Variants in UBE3B observed in about 807,000 individuals in gnomAD.
The protein encoded by UBE3B is ubiquitin-protein ligase E3B.
A neutral mutation model predicts 132.3 loss-of-function variants in UBE3B; 80 were observed. The observed-to-expected ratio is 0.60, with a 90% confidence interval of 0.50 to 0.73. The LOEUF is 0.73. Among genes scored for constraint, UBE3B ranks in the 30% least tolerant of loss-of-function variants. The pLI, the probability that UBE3B is intolerant of heterozygous loss-of-function variation, is 0.00. For missense variants in UBE3B, 1,196 were observed against 1,362.5 expected (o/e 0.88, Z 1.92); for synonymous variants, 487 against 520.4 (o/e 0.94, Z 0.87).
rs546789045 is a variant in UBE3B at position 109,505,525 on chromosome 12, A to G, written c.1451-2039A>G. On this transcript the variant is annotated intron_variant, in intron 14 of 27. Coordinates refer to ENST00000342494, the MANE Select transcript of UBE3B (RefSeq NM_130466.4). ...AGTGTTAACTGTTTCCTCTGTTTCT[A>G]TTTTAACCTATTTTTGAATTGTGAG... 2.0e-5 allele frequency among the ~76,000 whole-genome samples: 3 copies of G among 152,302 alleles called. No individual in the cohort carries two copies. The East Asian group carries it at 5.8e-4, about 29-fold the overall frequency.
chr12:109,544,047 G>A, the UBE3B span, among the ~76,000 whole-genome samples: 1 of 152,136 alleles, frequency 6.6e-6, no homozygotes, highest in Non-Finnish European at 1.5e-5. Context: ...AGACTGCAGG[G>A]TGTGTTTGGG....
Position 109,524,448 on chromosome 12 carries a change from G to A in UBE3B, c.2513G>A (p.Gly838Glu), listed in dbSNP as rs889466402. 4 of 1,614,168 alleles carry A rather than the reference G, an allele frequency of 2.5e-6. No individual in the cohort carries two copies. Among genetic ancestry groups the A allele is most frequent in the Non-Finnish European group, 3.4e-6 (4 of 1,180,030 alleles). ...TCTCTGTTACATTAGCGCTATGATG[G>A]GGACATCACTGACCTGGGCCTGACG... ...KNLTSIKRYD[G>E]DITDLGLTLS... The change falls in exon 23 of 28, where the codon GGG becomes GAG. Residue 838 changes from glycine to glutamate, a missense_variant. Gly to Glu is a moderately conservative substitution (Grantham distance 98). Transcript: ENST00000342494.
At chr12:109,508,312 A>G (rs984809621) in intron 15 of UBE3B, 3 of 175,028 alleles carry the variant, frequency 1.7e-5, no homozygotes, top group African/African-American at 7.2e-5. Flanking sequence ...ACCCTGAGCA[A>G]GTTTCTTAAC....
intron 24 of UBE3B, among the ~76,000 whole-genome samples, chr12:109,526,870 CA>C (rs10679640): frequency 1.2e-3 from 153 of 123,804 alleles, no homozygotes; most frequent in Non-Finnish European, 1.6e-3. Context: ...GACTCCGTCT[CA>C]AAAAAAAAAA....
intron 18 of UBE3B, 143 bp downstream of exon 18, chr12:109,511,446 T>C (rs1880362489): frequency 5.4e-6 from 4 of 744,776 alleles, no homozygotes; most frequent in African/African-American, 5.3e-5. Context: ...GCTATTACTT[T>C]GGTGAGGTTA....
chr12:109,534,153 C>A lies in UBE3B; in HGVS notation c.3016-438C>A. 1.6e-6 allele frequency: 2 copies of A among 1,284,024 alleles called. No individual in the cohort carries two copies. The highest frequency in any genetic ancestry group is 2.0e-6 in the Non-Finnish European group (2 of 989,710). The allele number at this position is 1,284,024 out of a possible 1,614,324, so 79.5% of individuals were successfully genotyped here. ...TTTGAGCCCGTGATGCCACCTTGTA[C>A]AGGAAGCTACACAGTCCTCGGCCTC... is the stretch of plus-strand genomic sequence containing the variant. On this transcript the variant is annotated intron_variant, in intron 27 of 27. Coordinates refer to ENST00000342494, the MANE Select transcript of UBE3B (RefSeq NM_130466.4). This position sits in a 1 kb window ranked among gnomAD's most constrained non-coding sequence, Gnocchi z 5.2.
downstream of UBE3B, among the ~76,000 whole-genome samples, chr12:109,539,390 G>GCCC (rs1883559398): frequency 6.6e-6 from 1 of 152,242 alleles, no homozygotes; most frequent in Non-Finnish European, 1.5e-5. Context: ...GTGCTCCAGA[G>GCCC]CCCCAGCTGA....
intron 15 of UBE3B, chr12:109,508,925 C>T (rs1211251515): frequency 2.6e-5 from 5 of 195,016 alleles, no homozygotes; most frequent in South Asian, 1.8e-4. Flanking sequence ...CAGTAAACAT[C>T]GACTCTCAGT....
At chr12:109,498,481 C>T (rs560248561) in intron 11 of UBE3B, 128 bp downstream of exon 11, 10 of 1,073,770 alleles carry the variant, frequency 9.3e-6, no homozygotes, top group South Asian at 1.6e-5. Flanking sequence ...ATAAAAAACA[C>T]GTATTTAGAT....
intron 13 of UBE3B, 79 bp from the exon 14 acceptor site, chr12:109,502,944 G>A (rs1273133515): frequency 6.4e-7 from 1 of 1,574,002 alleles, no homozygotes. Flanking sequence ...GAGCTTTACT[G>A]AAATGCTCTT....
At chr12:109,505,817 C>CT (rs1879588559) in intron 14 of UBE3B, among the ~76,000 whole-genome samples, 1 of 152,230 alleles carries the variant, frequency 6.6e-6, no homozygotes, top group Non-Finnish European at 1.5e-5. Context: ...CCAACTCCCA[C>CT]TGCTGGCTAA....
chr12:109,521,306 A>G lies in UBE3B; in HGVS notation c.2235A>G (p.Pro745=). 1 of 1,614,216 alleles carries G rather than the reference A, an allele frequency of 6.2e-7. No individual in the cohort carries two copies. The change falls in exon 20 of 28, where the codon CCA becomes CCG. Residue 745 remains proline, a synonymous_variant. Coordinates refer to ENST00000342494, the MANE Select transcript of UBE3B (RefSeq NM_130466.4). The surrounding 1 kb of genome is among the most constrained non-coding windows in gnomAD (Gnocchi z 4.2). ...AGATCATCAAGAGAGTTTTTGACCC[A>G]GCACTCAATCTGTTCAAGGTATTTA... ...LEEIIKRVFD[P]ALNLFKTTSG...
chr12:109,503,207 G>A lies in UBE3B; in HGVS notation c.1450+17G>A. 2.5e-6 allele frequency: 4 copies of A among 1,609,146 alleles called. No individual in the cohort carries two copies. Among genetic ancestry groups the A allele is most frequent in the Non-Finnish European group, 3.4e-6 (4 of 1,176,214 alleles). On this transcript the variant is annotated intron_variant, in intron 14 of 27. Transcript: ENST00000342494. ...TACTCACAGGTTCGCAGTCCCCAGGGCATCTTCTTCACCTCTCACATTTGG... is the reference window on the plus strand; with the variant it reads ...TACTCACAGGTTCGCAGTCCCCAGGACATCTTCTTCACCTCTCACATTTGG...
chr12:109,523,950 G>A (rs1592960032), intron 21 of UBE3B, 28 bp from the exon 22 acceptor site: 2 of 1,612,540 alleles, frequency 1.2e-6, no homozygotes, highest in Non-Finnish European at 1.7e-6. Context: ...CCTGGCTGAT[G>A]GACAGCTCTG....
intron 3 of UBE3B, 43 bp from the exon 4 acceptor site, chr12:109,483,818 A>G (rs1442221529): frequency 6.3e-6 from 10 of 1,599,026 alleles, no homozygotes; most frequent in South Asian, 2.3e-5. Flanking sequence ...AGGTGCTACA[A>G]GCTGTTAATT....
At chr12:109,500,516 C>G (rs981879153) in intron 12 of UBE3B, among the ~76,000 whole-genome samples, 1 of 152,170 alleles carries the variant, frequency 6.6e-6, no homozygotes, top group African/African-American at 2.4e-5. Flanking sequence ...AGTGACATCC[C>G]TGGGTCCTAT....
At chr12:109,499,911 T>C (rs1878749235) in intron 12 of UBE3B, 101 bp downstream of exon 12, 1 of 1,094,590 alleles carries the variant, frequency 9.1e-7, no homozygotes, top group Non-Finnish European at 1.2e-6. Flanking sequence ...TTTCTTATTA[T>C]AAAAATAATA....
At chr12:109,516,167 C>CTTTTTTTTTTTTT (rs59084691) in intron 18 of UBE3B, among the ~76,000 whole-genome samples, 8 of 91,120 alleles carry the variant, frequency 8.8e-5, no homozygotes, top group East Asian at 6.3e-4. Flanking sequence ...TCTTTTTTTT[C>CTTTTTTTTTTTTT]TTTTTTTTTT....
chr12:109,516,112 G>A (rs1881001559), intron 18 of UBE3B, among the ~76,000 whole-genome samples: 1 of 147,102 alleles, frequency 6.8e-6, no homozygotes, highest in South Asian at 2.2e-4. Context: ...CTGCCACCAA[G>A]TTTTTATAGT....
Sources: gnomAD v4.1 joint callset for allele counts (sites outside exome capture counted in the v4.1 genomes callset) on GRCh38, gnomAD v4.1.1 for gene constraint, Gnocchi (gnomAD v3.1) non-coding constraint, MANE v1.5 for transcripts, NCBI Gene and HGNC (gene_info 2026-07-23, HGNC 2026-07-21) for gene names.